Variants in PAPSS1 observed in about 807,000 individuals in gnomAD.
The protein encoded by PAPSS1 is bifunctional 3'-phosphoadenosine 5'-phosphosulfate synthase 1.
Under a neutral mutation model 72.0 loss-of-function variants are expected in PAPSS1, and 50 were observed. The observed-to-expected ratio is 0.69, with a 90% CI of 0.55 to 0.88. The LOEUF (loss-of-function observed/expected upper bound fraction) is 0.88. Among genes scored for constraint, PAPSS1 ranks in the 40% least tolerant of loss-of-function variants. PAPSS1 has a pLI of 0.00. For missense variants in PAPSS1, 657 were observed against 782.2 expected, an observed-to-expected ratio of 0.84 and a Z score of 1.91; for synonymous variants, 261 against 263.6, an observed-to-expected ratio of 0.99 and a Z score of 0.09.
intron 10 of PAPSS1, among the ~76,000 whole-genome samples, chr4:107,638,774 C>A (rs970143467): frequency 1.3e-5 from 2 of 152,166 alleles, no homozygotes; most frequent in Non-Finnish European, 2.9e-5. Context: ...GTAACACTTA[C>A]CAAGCTCTTC....
intron 2 of PAPSS1, among the ~76,000 whole-genome samples, chr4:107,699,429 C>T (rs1287221822): frequency 6.6e-6 from 1 of 152,094 alleles, no homozygotes; most frequent in Non-Finnish European, 1.5e-5. Context: ...TGGGACAGAG[C>T]AGAGGGCCCA....
At chr4:107,709,772 C>A (rs775461667) in intron 1 of PAPSS1, among the ~76,000 whole-genome samples, 1 of 152,210 alleles carries the variant, frequency 6.6e-6, no homozygotes, top group African/African-American at 2.4e-5. Context: ...ACATCCCCAA[C>A]GAACTGGCTG....
At chr4:107,634,384 CTAAT>C (rs1328826514) in intron 10 of PAPSS1, among the ~76,000 whole-genome samples, 41 of 152,222 alleles carry the variant, frequency 2.7e-4, no homozygotes, top group Admixed American at 2.5e-3. Context: ...AATTCAGGGG[CTAAT>C]GACAAGGCAT....
intron 10 of PAPSS1, among the ~76,000 whole-genome samples, chr4:107,633,522 A>C (rs953718332): frequency 6.6e-6 from 1 of 151,946 alleles, no homozygotes; most frequent in Admixed American, 6.6e-5. Context: ...TAATAATAAA[A>C]CTGTGTGTGT....
At chr4:107,676,052 C>G (rs1034188350) in intron 5 of PAPSS1, among the ~76,000 whole-genome samples, 4 of 152,010 alleles carry the variant, frequency 2.6e-5, no homozygotes, top group Non-Finnish European at 5.9e-5. Flanking sequence ...TAAGAGCTAT[C>G]TATGACAAAC....
chr4:107,690,071 G>A (rs1056765610), intron 3 of PAPSS1, among the ~76,000 whole-genome samples: 1 of 152,116 alleles, frequency 6.6e-6, no homozygotes, highest in Non-Finnish European at 1.5e-5. Context: ...AGGAGCTGGT[G>A]CTACGGCAAG....
At position 107,660,024 on chromosome 4, in the gene PAPSS1, G is replaced by T. The variant is rs752469443; in HGVS notation, c.718C>A (p.Pro240Thr). The change falls in exon 6 of 12, where the codon CCA becomes ACA. Residue 240 changes from proline to threonine, a missense_variant. Pro to Thr is a conservative substitution (Grantham distance 38). This residue lies in a region of PAPSS1 where 190 missense variants were observed against 176.7 expected (regional missense o/e 1.07). Transcript: ENST00000265174. ...TTTGCCAAATGAAGTTTATTTTCTG[G>T]CACATATAGTTCTTTTACTTCATAA... ...ASYEVKELYV[P>T]ENKLHLAKTD... The T allele has an allele frequency of 6.2e-7, 1 of 1,606,044 alleles. No individual in the cohort carries two copies. Among genetic ancestry groups the T allele is most frequent in the South Asian group, 1.1e-5 (1 of 90,308 alleles).
At position 107,621,608 on chromosome 4, in the gene PAPSS1, C is replaced by CTTTTTTTTTTTTTTTTTTTTTT. The variant is rs10670438; in HGVS notation, c.1737-7243_1737-7222dup. Among the ~76,000 whole-genome samples the CTTTTTTTTTTTTTTTTTTTTTT allele has an allele frequency of 3.3e-4, 16 of 48,154 alleles. 3 individuals are homozygous for CTTTTTTTTTTTTTTTTTTTTTT. Among genetic ancestry groups the CTTTTTTTTTTTTTTTTTTTTTT allele is most frequent in the East Asian group, 1.5e-3 (2 of 1,322 alleles). 31.6% of individuals were successfully genotyped at this position (48,154 alleles called of 152,430 possible). ...CTTTCTAGGAAGACAGGTTTTTTAT[C>CTTTTTTTTTTTTTTTTTTTTTT]TTTTTTTTTTTTTTTTTTTTTTTTT... On this transcript the variant is annotated intron_variant, in intron 11 of 11. Coordinates refer to ENST00000265174, the MANE Select transcript of PAPSS1 (RefSeq NM_005443.5).
intron 1 of PAPSS1, among the ~76,000 whole-genome samples, 166 bp from the exon 2 acceptor site, chr4:107,701,451 C>A (rs527833923): frequency 3.3e-5 from 5 of 151,994 alleles, no homozygotes; most frequent in African/African-American, 1.2e-4. Context: ...TTACTGCTTT[C>A]CACATGCCAA....
At chr4:107,640,770 A>G (rs980395901) in intron 10 of PAPSS1, among the ~76,000 whole-genome samples, 3 of 152,218 alleles carry the variant, frequency 2.0e-5, no homozygotes, top group East Asian at 3.8e-4. Context: ...TTACAAGTTC[A>G]GAAGTTAAAA....
Position 107,693,807 on chromosome 4 carries a change from T to C in PAPSS1, c.375A>G (p.Leu125=). ...EVAKLFADAG[L]VCITSFISPY... is the part of the protein sequence containing the mutation. ...GTGATATGAAACTTGTGATGCACAC[T>C]AAGCCAGCATCTGCAAACAGTTTAG... Residue 125 remains leucine, a synonymous_variant, in exon 3 of 12, where the codon TTA becomes TTG. Coordinates refer to ENST00000265174, the MANE Select transcript of PAPSS1 (RefSeq NM_005443.5). 1 of 1,613,866 alleles carries C rather than the reference T, an allele frequency of 6.2e-7. No homozygotes were observed. The highest frequency in any genetic ancestry group is 8.5e-7 in the Non-Finnish European group (1 of 1,179,808).
chr4:107,695,957 C>G (rs1449868830), intron 2 of PAPSS1, among the ~76,000 whole-genome samples: 2 of 151,276 alleles, frequency 1.3e-5, no homozygotes, highest in South Asian at 4.1e-4. Context: ...AGGTGGCCAA[C>G]AAACATGAAA....
intron 11 of PAPSS1, among the ~76,000 whole-genome samples, chr4:107,631,312 G>T (rs1277648502): frequency 6.6e-6 from 1 of 152,114 alleles, no homozygotes; most frequent in African/African-American, 2.4e-5. Flanking sequence ...TAGACTCCCT[G>T]GGCTTACCAG....
intron 11 of PAPSS1, among the ~76,000 whole-genome samples, chr4:107,615,334 C>T (rs549802097): frequency 7.0e-4 from 107 of 152,276 alleles, no homozygotes; most frequent in African/African-American, 2.4e-3. Flanking sequence ...CATTCAGAGT[C>T]GCTCAGGTCA....
intron 1 of PAPSS1, among the ~76,000 whole-genome samples, chr4:107,716,113 A>C (rs1006848415): frequency 3.3e-5 from 5 of 152,244 alleles, no homozygotes; most frequent in Admixed American, 3.3e-4. Context: ...CTTATCCCCA[A>C]TTCTGTTATA....
At chr4:107,713,767 A>G (rs1259314384) in intron 1 of PAPSS1, among the ~76,000 whole-genome samples, 2 of 50,368 alleles carry the variant, frequency 4.0e-5, no homozygotes, top group Non-Finnish European at 1.9e-4. Context: ...AAACAAAAAA[A>G]AAAAAGAAAA....
chr4:107,712,678 T>A (rs890836526), intron 1 of PAPSS1, among the ~76,000 whole-genome samples: 3 of 151,914 alleles, frequency 2.0e-5, no homozygotes, highest in Non-Finnish European at 4.4e-5. Flanking sequence ...ATCGAGACTA[T>A]CCTGGCCAAC....
chr4:107,710,362 G>A (rs1723458231), intron 1 of PAPSS1, among the ~76,000 whole-genome samples: 1 of 152,022 alleles, frequency 6.6e-6, no homozygotes, highest in Non-Finnish European at 1.5e-5. Flanking sequence ...GTGTACCTAG[G>A]AAGTCCCTAT....
At chr4:107,664,675 G>A (rs558372686) in intron 5 of PAPSS1, among the ~76,000 whole-genome samples, 2 of 151,824 alleles carry the variant, frequency 1.3e-5, no homozygotes, top group Admixed American at 6.6e-5. Context: ...AAAAAAAACT[G>A]TACAAATAAT....
Sources: gnomAD v4.1 joint callset for allele counts (sites outside exome capture counted in the v4.1 genomes callset) on GRCh38, gnomAD v4.1.1 for gene constraint, gnomAD v4.1.1 regional missense constraint, MANE v1.5 for transcripts, NCBI Gene and HGNC (gene_info 2026-07-23, HGNC 2026-07-21) for gene names.